The following CDKAL1 variants were observed in gnomAD, a reference collection of about 807,000 sequenced individuals.
CDKAL1 encodes the protein threonylcarbamoyladenosine tRNA methylthiotransferase.
A neutral mutation model predicts 68.2 loss-of-function variants in CDKAL1; 32 were observed. The ratio of observed to expected loss-of-function variants is 0.47; its 90% CI spans 0.35 to 0.63. The LOEUF (loss-of-function observed/expected upper bound fraction) is 0.63. Ranked by LOEUF, CDKAL1 falls within the 30% of genes least tolerant of loss-of-function variation. CDKAL1 has a pLI of 0.00. For synonymous variants in CDKAL1, 234 were observed against 244.3 expected, an observed-to-expected ratio of 0.96 and a Z score of 0.39; for missense variants, 606 against 696.7, an observed-to-expected ratio of 0.87 and a Z score of 1.47.
intron 11 of CDKAL1, among the ~76,000 whole-genome samples, chr6:21,005,779 T>C (rs1461189764): frequency 6.6e-6 from 1 of 152,158 alleles, no homozygotes; most frequent in Non-Finnish European, 1.5e-5. Flanking sequence ...CACTGTGATA[T>C]TTATTATTAT....
At chr6:21,182,429 G>A (rs890406498) in intron 13 of CDKAL1, among the ~76,000 whole-genome samples, 11 of 152,120 alleles carry the variant, frequency 7.2e-5, no homozygotes, top group Non-Finnish European at 1.3e-4. Flanking sequence ...ATCTCTACTC[G>A]TGGAATTTAG....
chr6:20,700,499 T>C (rs1414553349), intron 5 of CDKAL1, among the ~76,000 whole-genome samples: 6 of 152,196 alleles, frequency 3.9e-5, no homozygotes, highest in African/African-American at 1.2e-4. Context: ...TGTTTCAGGA[T>C]TTTGACAGGT....
intron 13 of CDKAL1, among the ~76,000 whole-genome samples, chr6:21,178,919 G>A (rs895694031): frequency 1.6e-4 from 24 of 152,188 alleles, no homozygotes; most frequent in African/African-American, 5.6e-4. Context: ...AGACTACACA[G>A]CTTAGGAAAT....
At chr6:21,179,322 T>G (rs1777702584) in intron 13 of CDKAL1, among the ~76,000 whole-genome samples, 1 of 152,214 alleles carries the variant, frequency 6.6e-6, no homozygotes, top group Admixed American at 6.5e-5. Context: ...AGGGTTTACT[T>G]GTTCGCAGAT....
chr6:20,670,884 T>G (rs896912628), intron 5 of CDKAL1, among the ~76,000 whole-genome samples: 5 of 152,236 alleles, frequency 3.3e-5, no homozygotes, highest in Non-Finnish European at 5.9e-5. Context: ...GGCTGCTTAG[T>G]TTTCCATGCA....
intron 13 of CDKAL1, among the ~76,000 whole-genome samples, chr6:21,139,585 A>G (rs1402972515): frequency 6.6e-6 from 1 of 152,064 alleles, no homozygotes; most frequent in Non-Finnish European, 1.5e-5. Flanking sequence ...AACGTGGCTC[A>G]GTGCAGCCTC....
chr6:20,907,251 C>T lies in CDKAL1; in HGVS notation c.743-48168C>T, dbSNP rs150721707. 6.3e-3 allele frequency among the ~76,000 whole-genome samples: 957 copies of T among 152,144 alleles called. 10 individuals carry two copies. The highest frequency in any genetic ancestry group is 0.022 in the African/African-American group (916 of 41,492). ...CAGCCTGGGCAACATGGCGAAACCA[C>T]GTCTCTATAAAAATATAAAATTTGG... On this transcript the variant is annotated intron_variant, in intron 9 of 15. Transcript: ENST00000274695.
intron 9 of CDKAL1, among the ~76,000 whole-genome samples, chr6:20,912,950 T>G (rs972679853): frequency 5.3e-5 from 8 of 152,062 alleles, no homozygotes; most frequent in African/African-American, 1.9e-4. Context: ...ATCAATTTAT[T>G]GTGAATTGGT....
At chr6:20,863,793 G>A (rs1759767552) in intron 9 of CDKAL1, among the ~76,000 whole-genome samples, 1 of 152,094 alleles carries the variant, frequency 6.6e-6, no homozygotes, top group Admixed American at 6.6e-5. Context: ...TTGAAATGAA[G>A]GGAATCATTT....
At chr6:21,158,306 T>C (rs920982200) in intron 13 of CDKAL1, among the ~76,000 whole-genome samples, 3 of 152,238 alleles carry the variant, frequency 2.0e-5, no homozygotes, top group African/African-American at 7.2e-5. Flanking sequence ...CTGGAGAAGC[T>C]TAAGGTCCCA....
intron 13 of CDKAL1, among the ~76,000 whole-genome samples, chr6:21,121,646 T>C (rs1326296531): frequency 6.6e-6 from 1 of 152,188 alleles, no homozygotes; most frequent in African/African-American, 2.4e-5. Flanking sequence ...AAAGTTATAG[T>C]TTCTAGAATG....
rs77912545 is a variant in CDKAL1, at chr6:20,745,468, T to G, written c.468+5853T>G. Among the ~76,000 whole-genome samples, 401 of 152,262 alleles carry G rather than the reference T, an allele frequency of 2.6e-3. 4 individuals carry two copies. Among genetic ancestry groups the G allele is most frequent in the African/African-American group, 9.1e-3 (377 of 41,538 alleles). ...TGTTCTATTTTTTTTTAACTTCCGT[T>G]GTCTAAAAGGTAGTATTGTGAGAGA... is the stretch of plus-strand genomic sequence containing the variant. On this transcript the variant is annotated intron_variant, in intron 6 of 15. Coordinates refer to ENST00000274695, the MANE Select transcript of CDKAL1 (RefSeq NM_017774.3).
intron 13 of CDKAL1, among the ~76,000 whole-genome samples, chr6:21,159,724 G>T (rs1258740209): frequency 6.6e-6 from 1 of 152,326 alleles, no homozygotes; most frequent in East Asian, 1.9e-4. Context: ...ACTCTGAACA[G>T]CGACACCTAA....
chr6:21,152,266 GTC>G (rs1458226356), intron 13 of CDKAL1, among the ~76,000 whole-genome samples: 1 of 152,128 alleles, frequency 6.6e-6, no homozygotes, highest in Non-Finnish European at 1.5e-5. Flanking sequence ...TTCCCCAGTA[GTC>G]TCTGTCTTCC....
At chr6:20,715,427 C>T (rs1315434312) in intron 5 of CDKAL1, among the ~76,000 whole-genome samples, 1 of 152,170 alleles carries the variant, frequency 6.6e-6, no homozygotes, top group Non-Finnish European at 1.5e-5. Context: ...TGTATGTATT[C>T]ACCACATTTA....
In CDKAL1 at chr6:20,773,372, A is replaced by G. The variant is rs542197586; in HGVS notation, c.518-7773A>G. Among the ~76,000 whole-genome samples, 4 of 152,252 alleles carry G rather than the reference A, an allele frequency of 2.6e-5. No individual in the cohort carries two copies. The South Asian group carries it at 8.3e-4, about 32-fold the overall frequency. On this transcript the variant is annotated intron_variant, in intron 7 of 15. Transcript: ENST00000274695. Reference sequence around the variant, plus strand: ...GACTACACTTTTGTTGTTCTTTGTAATTGAGTAGTTAAAATGCCTGTTAAG... The same window carrying G: ...GACTACACTTTTGTTGTTCTTTGTAGTTGAGTAGTTAAAATGCCTGTTAAG...
chr6:21,165,857 CAG>C (rs543848624), intron 13 of CDKAL1, among the ~76,000 whole-genome samples: 38 of 152,254 alleles, frequency 2.5e-4, no homozygotes, highest in East Asian at 1.5e-3. Flanking sequence ...GGAGTCAACT[CAG>C]GGGAAGTTTC....
At chr6:20,840,845 G>A (rs7764980) in intron 8 of CDKAL1, among the ~76,000 whole-genome samples, 8 of 152,232 alleles carry the variant, frequency 5.3e-5, no homozygotes, top group Admixed American at 5.2e-4. Context: ...ATTTAACAAT[G>A]AAGTCTGGCA....
chr6:21,202,042 T>C (rs1197660618), intron 15 of CDKAL1, among the ~76,000 whole-genome samples: 1 of 152,222 alleles, frequency 6.6e-6, no homozygotes, highest in Non-Finnish European at 1.5e-5. Flanking sequence ...GAAATTGTTT[T>C]AATCTGTGCA....
Sources: gnomAD v4.1 joint callset for allele counts (sites outside exome capture counted in the v4.1 genomes callset) on GRCh38, gnomAD v4.1.1 for gene constraint, MANE v1.5 for transcripts, NCBI Gene and HGNC (gene_info 2026-07-23, HGNC 2026-07-21) for gene names.